SCAI: variants seen among roughly 807,000 people sequenced by gnomAD.
SCAI encodes protein SCAI.
SCAI carries 24 observed loss-of-function variants against 92.2 expected under a neutral mutation model. The observed-to-expected ratio is 0.26, with a 90% confidence interval of 0.19 to 0.37. SCAI has a LOEUF of 0.37. Among genes scored for constraint, SCAI ranks in the 10% least tolerant of loss-of-function variants. SCAI has a pLI of 1.00. For synonymous variants in SCAI, 261 were observed against 258.6 expected, an observed-to-expected ratio of 1.01 and a Z score of -0.09; for missense variants, 450 against 736.2, an observed-to-expected ratio of 0.61 and a Z score of 4.50.
At chr9:125,083,286 G>A (rs1834258701) in intron 2 of SCAI, among the ~76,000 whole-genome samples, 2 of 152,014 alleles carry the variant, frequency 1.3e-5, no homozygotes, top group African/African-American at 4.8e-5. Context: ...AGGAGGCTGG[G>A]GCAGGTGGAT....
chr9:125,062,290 A>AT (rs1376671500), intron 2 of SCAI, among the ~76,000 whole-genome samples: 1 of 151,388 alleles, frequency 6.6e-6, no homozygotes, highest in Non-Finnish European at 1.5e-5. Context: ...TGCTCGGCTA[A>AT]TTTTTTGTAT....
At chr9:124,958,185 T>C (rs1196002989) in intron 17 of SCAI, among the ~76,000 whole-genome samples, 2 of 152,222 alleles carry the variant, frequency 1.3e-5, no homozygotes, top group East Asian at 1.9e-4. Flanking sequence ...GAATTATATA[T>C]AGATTTTTAA....
chr9:124,955,839 G>A (rs998935182), intron 17 of SCAI, among the ~76,000 whole-genome samples: 3 of 152,154 alleles, frequency 2.0e-5, no homozygotes, highest in African/African-American at 7.2e-5. Flanking sequence ...TTAGATAAAT[G>A]CCTTTCAAGG....
chr9:124,981,067 A>G (rs989181478), intron 14 of SCAI, among the ~76,000 whole-genome samples: 2 of 152,224 alleles, frequency 1.3e-5, no homozygotes, highest in Non-Finnish European at 2.9e-5. Context: ...TGCAGAATAT[A>G]TCATAACTGC....
intron 2 of SCAI, among the ~76,000 whole-genome samples, chr9:125,136,156 G>A (rs997912105): frequency 2.2e-4 from 33 of 149,432 alleles, no homozygotes; most frequent in African/African-American, 7.7e-4. Flanking sequence ...TGTTGCCCAG[G>A]CTGGAGTGCA....
At chr9:124,983,415 G>C (rs1181465558) in intron 14 of SCAI, among the ~76,000 whole-genome samples, 1 of 151,948 alleles carries the variant, frequency 6.6e-6, no homozygotes, top group Non-Finnish European at 1.5e-5. Flanking sequence ...GTGCAGTGGC[G>C]ATCTCAGCTC....
chr9:124,980,280 G>A (rs1341779746), intron 14 of SCAI, among the ~76,000 whole-genome samples: 1 of 149,840 alleles, frequency 6.7e-6, no homozygotes. Context: ...CTTTTTCTTT[G>A]CACTCCTTGC....
intron 17 of SCAI, among the ~76,000 whole-genome samples, chr9:124,958,099 A>G (rs887915235): frequency 2.0e-5 from 3 of 152,252 alleles, no homozygotes; most frequent in African/African-American, 7.2e-5. Flanking sequence ...AACTAAACAT[A>G]TAAGTAAATG....
intron 14 of SCAI, among the ~76,000 whole-genome samples, chr9:124,991,752 G>A (rs1215821021): frequency 2.0e-5 from 3 of 151,966 alleles, no homozygotes; most frequent in East Asian, 1.9e-4. Flanking sequence ...CAGGAGAATC[G>A]CTTGAACCCA....
At chr9:125,028,954 T>G (rs1429087217) in intron 4 of SCAI, among the ~76,000 whole-genome samples, 1 of 151,902 alleles carries the variant, frequency 6.6e-6, no homozygotes, top group South Asian at 2.1e-4. Context: ...TGCACCACCA[T>G]GCCCGACTAA....
intron 6 of SCAI, among the ~76,000 whole-genome samples, chr9:125,025,381 A>C (rs1346176717): frequency 6.6e-6 from 1 of 152,254 alleles, no homozygotes; most frequent in African/African-American, 2.4e-5. Context: ...AATAAATCAA[A>C]CTGTTGGGTA....
intron 2 of SCAI, among the ~76,000 whole-genome samples, chr9:125,122,885 G>A (rs1277955025): frequency 3.9e-5 from 6 of 152,174 alleles, no homozygotes; most frequent in Non-Finnish European, 8.8e-5. Flanking sequence ...CAGCCCAGGT[G>A]ACTGGAGTGA....
intron 2 of SCAI, among the ~76,000 whole-genome samples, chr9:125,065,215 A>G (rs1006147667): frequency 5.3e-5 from 8 of 152,076 alleles, no homozygotes; most frequent in Admixed American, 3.3e-4. Context: ...CCCACGGGGG[A>G]AAAAAAACAA....
chr9:125,098,997 C>G (rs2131209597), intron 2 of SCAI, among the ~76,000 whole-genome samples: 1 of 152,028 alleles, frequency 6.6e-6, no homozygotes, highest in African/African-American at 2.4e-5. Context: ...AGATGTGTGT[C>G]CAAAATTGTC....
intron 2 of SCAI, among the ~76,000 whole-genome samples, chr9:125,138,404 C>T (rs1436124437): frequency 2.0e-5 from 3 of 151,172 alleles, no homozygotes; most frequent in Non-Finnish European, 4.4e-5. Context: ...TACAGACATG[C>T]GCTACCACGC....
intron 17 of SCAI, among the ~76,000 whole-genome samples, chr9:124,965,517 G>A (rs191588366): frequency 7.9e-5 from 12 of 152,314 alleles, no homozygotes; most frequent in Admixed American, 5.2e-4. Context: ...TTACAGGCGT[G>A]AGCTACTGTG....
intron 13 of SCAI, among the ~76,000 whole-genome samples, chr9:124,995,604 C>T (rs1216208671): frequency 6.6e-6 from 1 of 152,022 alleles, no homozygotes; most frequent in Non-Finnish European, 1.5e-5. Flanking sequence ...ATCCTCCCAC[C>T]TCAGCCTCCT....
chr9:124,944,041 T>C lies in SCAI; in HGVS notation c.*8766A>G, dbSNP rs1280179862. On this transcript the variant is annotated 3_prime_UTR_variant, in exon 18 of 18. Coordinates refer to ENST00000336505, the MANE Select transcript of SCAI (RefSeq NM_001144877.3). ...TATTTGCCTTTCCTATTATCTAAGA[T>C]GTTTCTACCTCAACTGGAAGAATCA... The C allele has an allele frequency of 6.6e-6, 1 of 152,214 alleles. No individual in the cohort carries two copies. Among genetic ancestry groups the C allele is most frequent in the Non-Finnish European group, 1.5e-5 (1 of 68,026 alleles). 9.4% of individuals were successfully genotyped at this position (152,214 alleles called of 1,614,324 possible).
intron 2 of SCAI, among the ~76,000 whole-genome samples, chr9:125,129,373 G>A (rs543548424): frequency 2.7e-5 from 4 of 150,854 alleles, no homozygotes; most frequent in Admixed American, 6.6e-5. Flanking sequence ...CCCAGGGGGC[G>A]GAGGTTGCAG....
Sources: allele counts gnomAD v4.1 joint callset (sites outside exome capture counted in the v4.1 genomes callset), GRCh38; gene constraint gnomAD v4.1.1; transcripts MANE v1.5; gene names NCBI Gene and HGNC (gene_info 2026-07-23, HGNC 2026-07-21).